Variants in ENOX1 observed in about 807,000 individuals in gnomAD.
ENOX1 encodes the protein candidate growth-related and time keeping constitutive hydroquinone (NADH) oxidase.
Under a neutral mutation model 82.5 loss-of-function variants are expected in ENOX1, and 42 were observed. The ratio of observed to expected loss-of-function variants is 0.51; its 90% confidence interval spans 0.40 to 0.66. The LOEUF (loss-of-function observed/expected upper bound fraction) is 0.66. ENOX1 is among the 30% of genes least tolerant of loss of function. ENOX1 has a pLI of 0.00. For missense variants in ENOX1, 608 were observed against 811.6 expected, an observed-to-expected ratio of 0.75 and a Z score of 3.05; for synonymous variants, 271 against 282.2, an observed-to-expected ratio of 0.96 and a Z score of 0.40.
intron 12 of ENOX1, among the ~76,000 whole-genome samples, chr13:43,285,130 A>G (rs759724664): frequency 6.6e-6 from 1 of 152,212 alleles, no homozygotes; most frequent in Non-Finnish European, 1.5e-5. Flanking sequence ...CTTGATGACT[A>G]TTCAGGGTGC....
chr13:43,279,821 G>C (rs115055564), intron 12 of ENOX1, among the ~76,000 whole-genome samples: 1 of 152,180 alleles, frequency 6.6e-6, no homozygotes, highest in African/African-American at 2.4e-5. Flanking sequence ...AGAGAGAAAG[G>C]TCGGTTGTTC....
At chr13:43,247,846 TATATATATATA>T (rs2043170188) in intron 14 of ENOX1, among the ~76,000 whole-genome samples, 1 of 4,704 alleles carries the variant, frequency 2.1e-4, no homozygotes, top group African/African-American at 4.2e-4. Context: ...TATATATATA[TATATATATATA>T]TATATATATA....
intron 12 of ENOX1, among the ~76,000 whole-genome samples, chr13:43,283,859 A>G (rs936884085): frequency 6.6e-6 from 1 of 152,056 alleles, no homozygotes. Context: ...TGCGTCCCAC[A>G]AGTTTTGATA....
intron 2 of ENOX1, among the ~76,000 whole-genome samples, chr13:43,485,803 C>T (rs1220071490): frequency 1.3e-5 from 2 of 152,218 alleles, no homozygotes; most frequent in Non-Finnish European, 2.9e-5. Context: ...AGGCAGGGCA[C>T]GGTGGCCCAC....
intron 11 of ENOX1, among the ~76,000 whole-genome samples, chr13:43,306,058 C>A (rs2046841384): frequency 6.6e-6 from 1 of 152,186 alleles, no homozygotes; most frequent in Non-Finnish European, 1.5e-5. Context: ...AGGGGCCATC[C>A]TCACACTGTG....
chr13:43,364,456 C>G (rs1392602703), intron 5 of ENOX1, among the ~76,000 whole-genome samples: 1 of 152,164 alleles, frequency 6.6e-6, no homozygotes, highest in Non-Finnish European at 1.5e-5. Flanking sequence ...TCTGGCTCCT[C>G]TCTGTGTTGC....
At chr13:43,244,721 G>T (rs575232417) in intron 14 of ENOX1, among the ~76,000 whole-genome samples, 1 of 152,294 alleles carries the variant, frequency 6.6e-6, no homozygotes, top group African/African-American at 2.4e-5. Flanking sequence ...GCTAGTGCAA[G>T]ATGAGTGGGA....
chr13:43,282,210 CCT>C (rs1452647777), intron 12 of ENOX1, among the ~76,000 whole-genome samples: 2 of 152,112 alleles, frequency 1.3e-5, no homozygotes, highest in African/African-American at 4.8e-5. Flanking sequence ...GTTGAACTTA[CCT>C]TGCATTCCTA....
chr13:43,596,732 T>C (rs958914064), intron 2 of ENOX1, among the ~76,000 whole-genome samples: 1 of 152,274 alleles, frequency 6.6e-6, no homozygotes, highest in African/African-American at 2.4e-5. Context: ...ACTTTAGACA[T>C]ACTATTTTTC....
chr13:43,744,514 T>C (rs1263892259), intron 1 of ENOX1, among the ~76,000 whole-genome samples: 1 of 152,114 alleles, frequency 6.6e-6, no homozygotes. Context: ...AATGGAATCC[T>C]AAAATGGGCT....
At chr13:43,665,900 A>T (rs2084953938) in intron 2 of ENOX1, among the ~76,000 whole-genome samples, 1 of 147,520 alleles carries the variant, frequency 6.8e-6, no homozygotes, top group Non-Finnish European at 1.5e-5. Context: ...TAATTCAACA[A>T]ATATTAAGCA....
At chr13:43,513,243 A>G (rs371733728) in intron 2 of ENOX1, among the ~76,000 whole-genome samples, 19 of 152,246 alleles carry the variant, frequency 1.2e-4, no homozygotes, top group African/African-American at 4.6e-4. Flanking sequence ...CATGGGGCAG[A>G]GGTTGTAGTG....
At chr13:43,478,783 C>A (rs1299497404) in intron 3 of ENOX1, among the ~76,000 whole-genome samples, 1 of 152,106 alleles carries the variant, frequency 6.6e-6, no homozygotes, top group Admixed American at 6.6e-5. Flanking sequence ...ATTGTTAATT[C>A]ATGAATTCTT....
chr13:43,765,175 G>A (rs1430318342), intron 1 of ENOX1, among the ~76,000 whole-genome samples: 1 of 152,170 alleles, frequency 6.6e-6, no homozygotes, highest in Non-Finnish European at 1.5e-5. Context: ...TATAGAGGGT[G>A]CTAATGATGT....
intron 2 of ENOX1, among the ~76,000 whole-genome samples, chr13:43,612,871 T>TC (rs1566633179): frequency 1.3e-5 from 2 of 151,992 alleles, no homozygotes; most frequent in Admixed American, 6.6e-5. Context: ...CACTTCATCA[T>TC]ATCAACAAAA....
rs140024372 is a variant in ENOX1, at chr13:43,685,185, C to T, written c.-284-17641G>A. 1.8e-3 allele frequency among the ~76,000 whole-genome samples: 270 copies of T among 152,278 alleles called. 1 individual carries two copies. Among genetic ancestry groups the T allele is most frequent in the East Asian group, 0.014 (73 of 5,186 alleles). On this transcript the variant is annotated intron_variant, in intron 1 of 16. Transcript: ENST00000690772. Reference sequence around the variant, plus strand: ...CGGACGACACTTTCCTACAATGGGTCTCTTCATACTTCACTATATCCGGAT... The same window carrying T: ...CGGACGACACTTTCCTACAATGGGTTTCTTCATACTTCACTATATCCGGAT...
At chr13:43,406,681 G>T (rs1044886120) in intron 5 of ENOX1, among the ~76,000 whole-genome samples, 1 of 151,962 alleles carries the variant, frequency 6.6e-6, no homozygotes, top group Non-Finnish European at 1.5e-5. Flanking sequence ...TTTTAGTAGA[G>T]ATGGGGTTTC....
chr13:43,464,766 T>C (rs1291557479), intron 3 of ENOX1, among the ~76,000 whole-genome samples: 3 of 152,150 alleles, frequency 2.0e-5, no homozygotes, highest in South Asian at 2.1e-4. Flanking sequence ...CAGACTTCAT[T>C]TGGATTTTAC....
chr13:43,245,457 A>G (rs987752132), intron 14 of ENOX1, among the ~76,000 whole-genome samples: 1 of 152,212 alleles, frequency 6.6e-6, no homozygotes, highest in Admixed American at 6.5e-5. Context: ...GAGAAAAACA[A>G]TAAAAAACCA....
Sources: gnomAD v4.1 joint callset for allele counts (sites outside exome capture counted in the v4.1 genomes callset) on GRCh38, gnomAD v4.1.1 for gene constraint, MANE v1.5 for transcripts, NCBI Gene and HGNC (gene_info 2026-07-23, HGNC 2026-07-21) for gene names.